Variants in FRRS1 observed in about 807,000 individuals in gnomAD.
FRRS1 encodes ferric chelate reductase 1.
A neutral mutation model predicts 70.7 loss-of-function variants in FRRS1; 51 were observed. That is an observed-to-expected ratio of 0.72 (90% CI 0.58 to 0.91). The LOEUF (loss-of-function observed/expected upper bound fraction) is 0.91, where lower values mean the gene tolerates loss of function less well. Among genes scored for constraint, FRRS1 ranks in the 40% least tolerant of loss-of-function variants. FRRS1 has a pLI of 0.00. For synonymous variants in FRRS1, 225 were observed against 238.7 expected (o/e 0.94, Z 0.53); for missense variants, 672 against 726.0 (o/e 0.93, Z 0.86).
chr1:99,746,004 C>CA (rs34075606), intron 4 of FRRS1, among the ~76,000 whole-genome samples: 74,692 of 151,624 alleles, frequency 0.49, 22,348 homozygotes, highest in African/African-American at 0.85. Context: ...AGAAGCTGAG[C>CA]AGATGCCAGT....
At position 99,719,647 on chromosome 1, in the gene FRRS1, C is replaced by A; in HGVS notation, c.1007G>T (p.Gly336Val). ...TTGCTGAGAGTGCTTGTAAATTCGACCTGCAAATTAAAAACAAAATTAAAC... is the reference window on the plus strand; with the variant it reads ...TTGCTGAGAGTGCTTGTAAATTCGAACTGCAAATTAAAAACAAAATTAAAC... ...IFLADGAANDGRIYKHSQQPL... is the reference protein window; with the variant it reads ...IFLADGAANDVRIYKHSQQPL... The change falls in exon 10 of 17, where the codon GGT (glycine) becomes GTT (valine). Residue 336 changes from glycine (G) to valine (V), a missense_variant and splice_region_variant. Physicochemically the swap from Gly to Val is moderately radical, Grantham distance 109 (BLOSUM62 -3). Transcript: ENST00000646001. 6.6e-7 allele frequency: 1 copy of A among 1,511,986 alleles called. No homozygotes were observed. The highest frequency in any genetic ancestry group is 9.1e-7 in the Non-Finnish European group (1 of 1,093,060). 93.7% of individuals were successfully genotyped at this position (1,511,986 alleles called of 1,614,324 possible).
In FRRS1 at chr1:99,719,982, G is replaced by A. The variant is rs575040157; in HGVS notation, c.1007-335C>T. ...GCTGTTAATATGGTCACAAATCATT[G>A]AAAATGTTAAAAAAAATATTGAAAG... On this transcript the variant is annotated intron_variant, in intron 9 of 16. Coordinates refer to ENST00000646001, the MANE Select transcript of FRRS1 (RefSeq NM_001361041.2). Among the ~76,000 whole-genome samples the A allele has an allele frequency of 4.6e-5, 7 of 152,052 alleles. No individual in the cohort carries two copies. In the South Asian group the frequency reaches 1.5e-3, roughly 32 times the overall value.
intron 6 of FRRS1, among the ~76,000 whole-genome samples, chr1:99,740,326 T>C (rs946411720): frequency 6.6e-6 from 1 of 152,226 alleles, no homozygotes; most frequent in Non-Finnish European, 1.5e-5. Flanking sequence ...TGCAGGGTCT[T>C]GCATTCCCTT....
chr1:99,709,386 TAATTATTGCAGAC>T (rs1434435582), intron 15 of FRRS1, 127 bp from the exon 16 acceptor site: 2 of 653,994 alleles, frequency 3.1e-6, no homozygotes, highest in Non-Finnish European at 5.4e-6. Flanking sequence ...TCCAAACTAC[TAATTATTGCAGAC>T]TTCCTGAACA....
intron 12 of FRRS1, 23 bp downstream of exon 12, chr1:99,715,563 A>G (rs1205080620): frequency 4.4e-6 from 6 of 1,373,044 alleles, no homozygotes; most frequent in Non-Finnish European, 6.2e-6. Flanking sequence ...TTATAAAAAA[A>G]ACCCTATTTA....
chr1:99,755,263 T>TA (rs35535608), intron 1 of FRRS1, among the ~76,000 whole-genome samples: 72,510 of 146,314 alleles, frequency 0.5, 21,562 homozygotes, highest in African/African-American at 0.85. Flanking sequence ...TCCAAAAATT[T>TA]AAAAAAAAAA....
At chr1:99,723,450 G>C (rs1256895609) in intron 9 of FRRS1, among the ~76,000 whole-genome samples, 1 of 152,004 alleles carries the variant, frequency 6.6e-6, no homozygotes, top group Non-Finnish European at 1.5e-5. Context: ...CCAGGAGGTC[G>C]AGCTTCAGTG....
intron 1 of FRRS1, among the ~76,000 whole-genome samples, chr1:99,757,225 T>G (rs1179841802): frequency 6.6e-6 from 1 of 152,180 alleles, no homozygotes; most frequent in Non-Finnish European, 1.5e-5. Flanking sequence ...TGTTTCCTAT[T>G]TCTTCCTTTT....
At chr1:99,755,291 T>C (rs1432899138) in intron 1 of FRRS1, among the ~76,000 whole-genome samples, 1 of 148,964 alleles carries the variant, frequency 6.7e-6, no homozygotes, top group Non-Finnish European at 1.5e-5. Flanking sequence ...CCAGGCACAG[T>C]GGCATGCCTG....
intron 5 of FRRS1, 47 bp downstream of exon 5, chr1:99,742,132 G>T: frequency 8.4e-7 from 1 of 1,193,608 alleles, no homozygotes; most frequent in African/African-American, 1.5e-5. Flanking sequence ...GGGATTATAG[G>T]CATGAGCCAC....
intron 4 of FRRS1, among the ~76,000 whole-genome samples, chr1:99,745,336 T>C (rs1311755614): frequency 2.0e-5 from 3 of 152,210 alleles, no homozygotes; most frequent in Non-Finnish European, 4.4e-5. Context: ...ATTGGCTCCA[T>C]GGACGTTTTA....
At chr1:99,755,190 C>A (rs528021841) in intron 1 of FRRS1, among the ~76,000 whole-genome samples, 1 of 151,918 alleles carries the variant, frequency 6.6e-6, no homozygotes, top group East Asian at 1.9e-4. Context: ...GAGACTAAAG[C>A]CGGAGAATTA....
rs1654119540 is a variant in FRRS1 at position 99,708,623 on chromosome 1, AAAATATATATATATATATATAT to A, written c.*383_*404del. The A allele has an allele frequency of 4.2e-5, 3 of 71,244 alleles. No individual in the cohort carries two copies. Among genetic ancestry groups the A allele is most frequent in the Non-Finnish European group, 7.2e-5 (3 of 41,396 alleles). The allele number at this position is 71,244 out of a possible 1,614,324, so 4.4% of individuals were successfully genotyped here. ...AAAAAAAAAAAAAAAAAAAAAAAAA[AAAATATATATATATATATATAT>A]ATATATATATATATATATCGTAATA... On this transcript the variant is annotated 3_prime_UTR_variant, in exon 17 of 17. Transcript: ENST00000646001.
intron 2 of FRRS1, 53 bp from the exon 3 acceptor site, chr1:99,748,821 A>C: frequency 7.2e-7 from 1 of 1,388,228 alleles, no homozygotes; most frequent in South Asian, 1.3e-5. Context: ...AAAATATAAA[A>C]GCTTTTACAC....
chr1:99,754,640 C>T (rs905160196), intron 1 of FRRS1, among the ~76,000 whole-genome samples: 9 of 152,162 alleles, frequency 5.9e-5, no homozygotes, highest in African/African-American at 9.7e-5. Flanking sequence ...ACAGAATACA[C>T]GTTCCTCTCA....
rs1279924875 is a variant in FRRS1 at position 99,738,077 on chromosome 1, G to A, written c.759+9C>T. 6.3e-7 allele frequency: 1 copy of A among 1,599,772 alleles called. No individual in the cohort carries two copies. Among genetic ancestry groups the A allele is most frequent in the Non-Finnish European group, 8.5e-7 (1 of 1,171,028 alleles). ...TTTGTTACCACTTATGTAAGTGAGA[G>A]GTACCAACCATCCACTGATCATGAG... On this transcript the variant is annotated intron_variant, in intron 7 of 16. Transcript: ENST00000646001.
intron 16 of FRRS1, 31 bp downstream of exon 16, chr1:99,709,167 G>C (rs1362713022): frequency 1.9e-6 from 3 of 1,606,222 alleles, no homozygotes; most frequent in Non-Finnish European, 2.6e-6. Flanking sequence ...TACCATTAAG[G>C]TTTGTGTCAA....
intron 7 of FRRS1, among the ~76,000 whole-genome samples, chr1:99,737,190 T>C (rs917026471): frequency 4.6e-5 from 7 of 152,292 alleles, no homozygotes; most frequent in Middle Eastern, 3.4e-3. Context: ...AGGCCTCTGC[T>C]CTTCCACACC....
rs1475874503 is a variant in FRRS1 at position 99,708,590 on chromosome 1, T to G, written c.*438A>C. 1.4e-5 allele frequency: 1 copy of G among 73,868 alleles called. No homozygotes were observed. The highest frequency in any genetic ancestry group is 5.8e-5 in the African/African-American group (1 of 17,334). The allele number at this position is 73,868 out of a possible 1,614,324, so 4.6% of individuals were successfully genotyped here. A position where few individuals can be genotyped will look rare whatever the true frequency, so the allele number is the denominator to read the frequency against. On this transcript the variant is annotated 3_prime_UTR_variant, in exon 17 of 17. Coordinates refer to ENST00000646001, the MANE Select transcript of FRRS1 (RefSeq NM_001361041.2). ...TCCAGCCTGGGCGACAGAGCAAGAC[T>G]CTGTCTCAAAAAAAAAAAAAAAAAA... is the stretch of plus-strand genomic sequence containing the variant.
Sources: allele counts gnomAD v4.1 joint callset (sites outside exome capture counted in the v4.1 genomes callset), GRCh38; gene constraint gnomAD v4.1.1; transcripts MANE v1.5; gene names NCBI Gene and HGNC (gene_info 2026-07-23, HGNC 2026-07-21).